Variants in DRC3 observed in about 807,000 individuals in gnomAD.
DRC3 encodes the protein dynein regulatory complex subunit 3.
Under a neutral mutation model 57.6 loss-of-function variants are expected in DRC3, and 45 were observed. The observed-to-expected ratio is 0.78, with a 90% CI of 0.62 to 1.00. The LOEUF (loss-of-function observed/expected upper bound fraction) is 1.00, where lower values mean the gene tolerates loss of function less well. DRC3 is among the 50% of genes least tolerant of loss of function. The probability of loss-of-function intolerance (pLI) is 0.00; values close to 1 mark genes in which losing one functional copy is unlikely to be tolerated. For missense variants in DRC3, 655 were observed against 675.2 expected, an observed-to-expected ratio of 0.97 and a Z score of 0.33; for synonymous variants, 257 against 272.3, an observed-to-expected ratio of 0.94 and a Z score of 0.55.
In DRC3 at chr17:18,004,245, C is replaced by A. The variant is rs924599111; in HGVS notation, c.1000-118C>A. On this transcript the variant is annotated intron_variant, in intron 9 of 13. Transcript: ENST00000399187. ...GAGCCAGCAAATGGCAAAGCTGAGA[C>A]TTGCACTTGGGCAGGCTGACTCGAG... is the stretch of plus-strand genomic sequence containing the variant. 60 of 1,104,186 alleles carry A rather than the reference C, an allele frequency of 5.4e-5. 1 individual carries two copies. The Middle Eastern group carries it at 5.4e-3, about 99-fold the overall frequency. The allele number at this position is 1,104,186 out of a possible 1,614,324, so 68.4% of individuals were successfully genotyped here.
chr17:17,990,384 G>A (rs139527289), intron 5 of DRC3, among the ~76,000 whole-genome samples: 86 of 152,346 alleles, frequency 5.6e-4, no homozygotes, highest in Non-Finnish European at 9.8e-4. Flanking sequence ...CCCTGACCTT[G>A]TCTCTACTCC....
intron 3 of DRC3, among the ~76,000 whole-genome samples, chr17:17,979,464 A>G (rs904094845): frequency 6.6e-6 from 1 of 152,186 alleles, no homozygotes; most frequent in Non-Finnish European, 1.5e-5. Context: ...GTGAGTGATG[A>G]CCACAGGCCT....
intron 4 of DRC3, among the ~76,000 whole-genome samples, chr17:17,986,754 A>G (rs986137831): frequency 1.3e-5 from 2 of 151,980 alleles, no homozygotes; most frequent in East Asian, 1.9e-4. Context: ...GTAAGCCACT[A>G]CGCCCAGCCC....
chr17:18,016,808 C>A lies in DRC3; in HGVS notation c.*137C>A. 1.9e-6 allele frequency: 1 copy of A among 515,238 alleles called. No individual in the cohort carries two copies. The allele number at this position is 515,238 out of a possible 1,614,324, so 31.9% of individuals were successfully genotyped here. A position where few individuals can be genotyped will look rare whatever the true frequency, so the allele number is the denominator to read the frequency against. The stretch of plus-strand genomic sequence containing the variant: ...CGCGATCCCCAACACCATTCTTCCC[C>A]CACCCCTGGAAAAACTTCCAAAAGT... On this transcript the variant is annotated 3_prime_UTR_variant, in exon 14 of 14. Coordinates refer to ENST00000399187, the MANE Select transcript of DRC3 (RefSeq NM_031294.4).
intron 12 of DRC3, among the ~76,000 whole-genome samples, chr17:18,012,445 T>G (rs1053387270): frequency 1.3e-5 from 2 of 152,202 alleles, no homozygotes; most frequent in East Asian, 3.8e-4. Flanking sequence ...TTTGGGAGCC[T>G]GAGACAGACA....
chr17:18,010,939 GT>G (rs61680283), intron 12 of DRC3: 546 of 234,790 alleles, frequency 2.3e-3, no homozygotes, highest in South Asian at 5.0e-3. Flanking sequence ...CAAGGATGAG[GT>G]TTTTTTTTTG....
intron 2 of DRC3, among the ~76,000 whole-genome samples, chr17:17,975,640 A>G (rs2042352850): frequency 6.6e-6 from 1 of 152,134 alleles, no homozygotes; most frequent in Admixed American, 6.5e-5. Context: ...CCATTGCATA[A>G]GAGTGGGGAG....
rs370465380 is a variant in DRC3 at position 17,975,515 on chromosome 17, A to ACCC, written c.-18+1561_-18+1563dup. 6.1e-3 allele frequency among the ~76,000 whole-genome samples: 456 copies of ACCC among 74,198 alleles called. 3 individuals are homozygous for ACCC. The highest frequency in any genetic ancestry group is 0.016 in the African/African-American group (377 of 23,138). The allele number at this position is 74,198 out of a possible 152,430, so 48.7% of individuals were successfully genotyped here. A position where few individuals can be genotyped will look rare whatever the true frequency, so the allele number is the denominator to read the frequency against. On this transcript the variant is annotated intron_variant, in intron 2 of 13. Transcript: ENST00000399187. Reference sequence around the variant, plus strand: ...GTGAGCCACCGCGCCTGACCTCCCCACCCCCCCCCCAAAAAAAAGGCCAAA... The same window carrying ACCC: ...GTGAGCCACCGCGCCTGACCTCCCCACCCCCCCCCCCCCAAAAAAAAGGCCAAA...
chr17:18,011,589 G>A (rs145837069), intron 12 of DRC3: 1 of 168,222 alleles, frequency 5.9e-6, no homozygotes, highest in East Asian at 1.9e-4. Context: ...AGAAGATGCT[G>A]CTGATGTCCA....
intron 7 of DRC3, among the ~76,000 whole-genome samples, chr17:17,994,755 C>T (rs1199723640): frequency 3.9e-5 from 6 of 152,160 alleles, no homozygotes; most frequent in Admixed American, 2.6e-4. Context: ...TAGCCATGGC[C>T]CTGAATTCAT....
rs765422176 is a variant in DRC3 at position 18,006,168 on chromosome 17, C to A, written c.1132-15C>A. ...TCTAAATATGCATGTTAACTGTGTTCTTTAACATTTCCAGGAGACTATAAA... is the reference window on the plus strand; with the variant it reads ...TCTAAATATGCATGTTAACTGTGTTATTTAACATTTCCAGGAGACTATAAA... On this transcript the variant is annotated splice_polypyrimidine_tract_variant and intron_variant, in intron 10 of 13. Coordinates refer to ENST00000399187, the MANE Select transcript of DRC3 (RefSeq NM_031294.4). 2.5e-6 allele frequency: 4 copies of A among 1,594,888 alleles called. No individual in the cohort carries two copies. The East Asian group carries it at 8.9e-5, about 36-fold the overall frequency.
At chr17:18,016,242 G>C in intron 13 of DRC3, 47 bp downstream of exon 13, 2 of 1,598,082 alleles carry the variant, frequency 1.3e-6, no homozygotes, top group South Asian at 2.2e-5. Flanking sequence ...AACTTTTCTA[G>C]CTGACATGGA....
intron 7 of DRC3, 55 bp downstream of exon 7, chr17:17,994,473 C>T (rs2043371919): frequency 7.1e-6 from 11 of 1,539,724 alleles, no homozygotes; most frequent in Middle Eastern, 1.7e-4. Context: ...CACAAGAGGG[C>T]ACTGATCAAG....
intron 9 of DRC3, among the ~76,000 whole-genome samples, chr17:17,999,120 C>T (rs1031520356): frequency 6.6e-6 from 1 of 152,190 alleles, no homozygotes; most frequent in Non-Finnish European, 1.5e-5. Context: ...AGGGACCCAG[C>T]CCCTCAGCAG....
chr17:17,989,279 A>G (rs2043112184), intron 5 of DRC3, among the ~76,000 whole-genome samples: 1 of 152,120 alleles, frequency 6.6e-6, no homozygotes, highest in Non-Finnish European at 1.5e-5. Context: ...GACGAGGTCA[A>G]AGGTGTGTGG....
At chr17:18,015,511 A>T (rs1446294956) in intron 12 of DRC3, 1 of 152,990 alleles carries the variant, frequency 6.5e-6, no homozygotes. Context: ...TTTACAAGAC[A>T]GCAAAGTCAG....
chr17:17,981,698 T>C (rs953030666), intron 3 of DRC3: 1 of 152,246 alleles, frequency 6.6e-6, no homozygotes, highest in African/African-American at 2.4e-5. Context: ...TATTTTTTTT[T>C]ATTTATTTAT....
chr17:18,008,029 G>A lies in DRC3; in HGVS notation c.1326+882G>A, dbSNP rs2044043444. 2 of 187,712 alleles carry A rather than the reference G, an allele frequency of 1.1e-5. No homozygotes were observed. The highest frequency in any genetic ancestry group is 6.5e-5 in the Admixed American group (1 of 15,324). 11.6% of individuals were successfully genotyped at this position (187,712 alleles called of 1,614,324 possible). The stretch of plus-strand genomic sequence containing the variant: ...TCTAGTGGCTTTCATGACCCCTAGC[G>A]TCAGCTCCTCCCCATAGTCCCCCAG... On this transcript the variant is annotated intron_variant, in intron 12 of 13. Coordinates refer to ENST00000399187, the MANE Select transcript of DRC3 (RefSeq NM_031294.4). The surrounding 1 kb of genome is among the most constrained non-coding windows in gnomAD (Gnocchi z 4.3).
intron 8 of DRC3, 44 bp from the exon 9 acceptor site, chr17:17,997,416 G>T (rs2043504959): frequency 2.5e-6 from 4 of 1,603,026 alleles, no homozygotes; most frequent in Non-Finnish European, 3.4e-6. Flanking sequence ...GCCCTCCGCA[G>T]CCTGCTCCTG....
Sources: allele counts gnomAD v4.1 joint callset (sites outside exome capture counted in the v4.1 genomes callset), GRCh38; gene constraint gnomAD v4.1.1; non-coding constraint Gnocchi (gnomAD v3.1); transcripts MANE v1.5; gene names NCBI Gene and HGNC (gene_info 2026-07-23, HGNC 2026-07-21).